The following MALRD1 variants were observed in gnomAD, a reference collection of about 807,000 sequenced individuals.
MALRD1 encodes the protein MAM and LDL receptor class A domain containing 1.
Under a neutral mutation model 242.1 loss-of-function variants are expected in MALRD1, and 247 were observed. The observed-to-expected ratio is 1.02, with a 90% CI of 0.92 to 1.13. MALRD1 has a LOEUF of 1.13. Ranked by LOEUF, MALRD1 falls within the 50% of genes most tolerant of loss-of-function variation. The pLI is 0.00. For missense variants in MALRD1, 2,989 were observed against 2,533.1 expected, an observed-to-expected ratio of 1.18 and a Z score of -3.86; for synonymous variants, 995 against 866.6, an observed-to-expected ratio of 1.15 and a Z score of -2.60.
chr10:19,307,448 T>C (rs1842262387), intron 21 of MALRD1, among the ~76,000 whole-genome samples: 1 of 151,542 alleles, frequency 6.6e-6, no homozygotes, highest in African/African-American at 2.4e-5. Context: ...ATTCTAACTT[T>C]TTAGCTTGAG....
intron 18 of MALRD1, among the ~76,000 whole-genome samples, chr10:19,215,600 A>G (rs1030763455): frequency 2.6e-5 from 4 of 152,080 alleles, no homozygotes; most frequent in Non-Finnish European, 5.9e-5. Flanking sequence ...TCATAATCTA[A>G]TGTTTGTTCT....
chr10:19,209,719 A>C, intron 18 of MALRD1, 39 bp downstream of exon 18: 1 of 1,468,232 alleles, frequency 6.8e-7, no homozygotes, highest in Non-Finnish European at 9.1e-7. Context: ...TTTGAAATGC[A>C]TCTGAATGTC....
chr10:19,151,522 C>A (rs1206679452), intron 11 of MALRD1, among the ~76,000 whole-genome samples: 1 of 151,914 alleles, frequency 6.6e-6, no homozygotes, highest in Non-Finnish European at 1.5e-5. Flanking sequence ...GTTCTATCTT[C>A]CTTTTGTTGT....
intron 19 of MALRD1, among the ~76,000 whole-genome samples, chr10:19,270,187 G>A (rs887954210): frequency 6.6e-6 from 1 of 152,084 alleles, no homozygotes; most frequent in South Asian, 2.1e-4. Context: ...ATGGTGGTAG[G>A]TGCCTGTAAT....
intron 28 of MALRD1, among the ~76,000 whole-genome samples, chr10:19,427,726 A>G (rs1833956398): frequency 6.6e-6 from 1 of 152,164 alleles, no homozygotes; most frequent in Admixed American, 6.5e-5. Context: ...TGTGTGTAAG[A>G]TCCTAGTATA....
chr10:19,103,954 G>C (rs1172540854), intron 4 of MALRD1, 25 bp from the exon 5 acceptor site: 1 of 1,215,192 alleles, frequency 8.2e-7, no homozygotes, highest in Non-Finnish European at 1.0e-6. Context: ...TTTTTGTTTT[G>C]TTTTGTTTTG....
intron 1 of MALRD1, among the ~76,000 whole-genome samples, chr10:19,053,167 T>G (rs1564362784): frequency 6.6e-6 from 1 of 152,194 alleles, no homozygotes; most frequent in Non-Finnish European, 1.5e-5. Context: ...GTTACTTAGG[T>G]CAGCCAGCTC....
chr10:19,652,957 A>C (rs997243166), intron 36 of MALRD1, among the ~76,000 whole-genome samples: 1 of 152,212 alleles, frequency 6.6e-6, no homozygotes, highest in African/African-American at 2.4e-5. Context: ...AGAACTCTCC[A>C]GGAGGAATCA....
In MALRD1 at chr10:19,378,114, A is replaced by T. The variant is rs1222482393; in HGVS notation, c.4442-9414A>T. ...CAAATATATACAGTTTTTTTACTCT[A>T]AACTTGACACTTCTAGAGGGCCAGT... On this transcript the variant is annotated intron_variant, in intron 26 of 39. Transcript: ENST00000454679. Among the ~76,000 whole-genome samples, 6 of 152,176 alleles carry T rather than the reference A, an allele frequency of 3.9e-5. No individual in the cohort carries two copies. In the East Asian group the frequency reaches 1.2e-3, roughly 29 times the overall value.
At chr10:19,618,036 T>C (rs183171593) in intron 36 of MALRD1, among the ~76,000 whole-genome samples, 30 of 152,208 alleles carry the variant, frequency 2.0e-4, no homozygotes, top group Admixed American at 2.0e-3. Context: ...TGCATCCATG[T>C]GTTCTCATCA....
chr10:19,678,495 C>T (rs1300427212), intron 36 of MALRD1, among the ~76,000 whole-genome samples: 1 of 152,112 alleles, frequency 6.6e-6, no homozygotes, highest in Admixed American at 6.6e-5. Flanking sequence ...TATAGGAATG[C>T]TTGTGATTTT....
At chr10:19,175,739 G>T (rs1351728020) in intron 14 of MALRD1, among the ~76,000 whole-genome samples, 3 of 151,910 alleles carry the variant, frequency 2.0e-5, no homozygotes, top group Non-Finnish European at 4.4e-5. Context: ...AAAGCAAAAA[G>T]GTTGTGTTTG....
At chr10:19,729,230 A>C (rs1015016000) in intron 38 of MALRD1, among the ~76,000 whole-genome samples, 29 of 152,190 alleles carry the variant, frequency 1.9e-4, no homozygotes, top group Non-Finnish European at 4.1e-4. Flanking sequence ...GAAAAGGACC[A>C]TGTGGTTTGG....
At chr10:19,409,034 A>G (rs896513223) in intron 28 of MALRD1, among the ~76,000 whole-genome samples, 2 of 152,238 alleles carry the variant, frequency 1.3e-5, no homozygotes, top group African/African-American at 2.4e-5. Flanking sequence ...ACTAGCCATT[A>G]TCTAGCAACA....
intron 36 of MALRD1, among the ~76,000 whole-genome samples, chr10:19,675,731 G>A (rs1842111201): frequency 6.6e-6 from 1 of 152,198 alleles, no homozygotes; most frequent in South Asian, 2.1e-4. Flanking sequence ...TGATGGTAAT[G>A]CATATTTTCA....
chr10:19,521,956 T>G (rs527253822), intron 31 of MALRD1, among the ~76,000 whole-genome samples: 5 of 136,170 alleles, frequency 3.7e-5, no homozygotes, highest in African/African-American at 1.4e-4. Flanking sequence ...CTCAGCTGAT[T>G]ATATGTTTTC....
intron 29 of MALRD1, among the ~76,000 whole-genome samples, chr10:19,451,922 G>A (rs1005196097): frequency 2.0e-5 from 3 of 152,132 alleles, no homozygotes; most frequent in Non-Finnish European, 4.4e-5. Context: ...TCATGCAGGA[G>A]ACAGGATTTG....
intron 26 of MALRD1, among the ~76,000 whole-genome samples, chr10:19,379,715 G>T (rs1588990717): frequency 6.6e-6 from 1 of 152,048 alleles, no homozygotes; most frequent in South Asian, 2.1e-4. Context: ...TCCAGCTAGT[G>T]ACTATTTCAC....
At chr10:19,441,015 G>A (rs564920647) in intron 28 of MALRD1, among the ~76,000 whole-genome samples, 1 of 151,964 alleles carries the variant, frequency 6.6e-6, no homozygotes, top group African/African-American at 2.4e-5. Context: ...GTTGTTTCCT[G>A]ACTTTTTAAT....
Sources: gnomAD v4.1 joint callset for allele counts (sites outside exome capture counted in the v4.1 genomes callset) on GRCh38, gnomAD v4.1.1 for gene constraint, MANE v1.5 for transcripts, NCBI Gene and HGNC (gene_info 2026-07-23, HGNC 2026-07-21) for gene names.